The following BABAM2 variants were observed in gnomAD, a reference collection of about 807,000 sequenced individuals.
The protein encoded by BABAM2 is BRISC and BRCA1-A complex member 2.
A neutral mutation model predicts 54.7 loss-of-function variants in BABAM2; 31 were observed. The ratio of observed to expected loss-of-function variants is 0.57; its 90% CI spans 0.43 to 0.77. BABAM2 has a LOEUF of 0.77. Ranked by LOEUF, BABAM2 falls within the 30% of genes least tolerant of loss-of-function variation. The pLI is 0.00. For missense variants in BABAM2, 364 were observed against 455.8 expected (o/e 0.80, Z 1.83); for synonymous variants, 167 against 162.9 (o/e 1.03, Z -0.19).
chr2:28,031,996 A>AG lies in BABAM2; in HGVS notation c.495+6576_495+6577insG, dbSNP rs549896518. Among the ~76,000 whole-genome samples, 47 of 152,362 alleles carry AG rather than the reference A, an allele frequency of 3.1e-4. 2 individuals are homozygous for AG. In the East Asian group the frequency reaches 8.9e-3, roughly 29 times the overall value. On this transcript the variant is annotated intron_variant, in intron 5 of 11. Coordinates refer to ENST00000379624, the MANE Select transcript of BABAM2 (RefSeq NM_199191.3). The stretch of plus-strand genomic sequence containing the variant: ...AATAAATGGATATTTTTTAATTAAA[A>AG]CATGAAAATAGTATATTCTCTAAAT...
At chr2:28,301,785 G>A (rs776527089) in intron 11 of BABAM2, among the ~76,000 whole-genome samples, 2 of 152,068 alleles carry the variant, frequency 1.3e-5, no homozygotes, top group Non-Finnish European at 2.9e-5. Context: ...TTTTCTTTTA[G>A]TTCTTCACAT....
At chr2:28,302,159 G>A (rs890798831) in intron 11 of BABAM2, among the ~76,000 whole-genome samples, 1 of 152,128 alleles carries the variant, frequency 6.6e-6, no homozygotes, top group African/African-American at 2.4e-5. Flanking sequence ...CATCACGTCT[G>A]TTCTCCCAGC....
chr2:28,016,025 C>G, intron 4 of BABAM2: 1 of 632,382 alleles, frequency 1.6e-6, no homozygotes, highest in South Asian at 1.6e-5. Context: ...TTTAAATTAT[C>G]CTTACTGTCT....
At chr2:28,105,557 C>T (rs921611707) in intron 6 of BABAM2, among the ~76,000 whole-genome samples, 3 of 152,156 alleles carry the variant, frequency 2.0e-5, no homozygotes, top group Non-Finnish European at 2.9e-5. Context: ...AGATCCTGAA[C>T]ATTTTGCTTA....
intron 2 of BABAM2, among the ~76,000 whole-genome samples, chr2:27,904,291 A>G (rs1221438910): frequency 6.6e-6 from 1 of 152,238 alleles, no homozygotes; most frequent in Non-Finnish European, 1.5e-5. Context: ...AAGCAAAACC[A>G]TAGATAAGGG....
chr2:28,289,840 A>C (rs1346277741), intron 10 of BABAM2, among the ~76,000 whole-genome samples: 2 of 151,956 alleles, frequency 1.3e-5, no homozygotes, highest in Non-Finnish European at 2.9e-5. Context: ...GCAGAAAGGA[A>C]AGGAGAAAGG....
At chr2:28,126,119 G>GT (rs201520515) in intron 6 of BABAM2, among the ~76,000 whole-genome samples, 2,951 of 151,970 alleles carry the variant, frequency 0.019, 55 homozygotes, top group South Asian at 0.05. Context: ...CCTAAATTTT[G>GT]TAATCTAAAA....
intron 7 of BABAM2, among the ~76,000 whole-genome samples, chr2:28,181,672 C>T (rs547739170): frequency 6.6e-6 from 1 of 151,842 alleles, no homozygotes; most frequent in South Asian, 2.1e-4. Flanking sequence ...ACATATACCC[C>T]ATTAAAAAAG....
intron 7 of BABAM2, among the ~76,000 whole-genome samples, chr2:28,164,905 A>G (rs1206833051): frequency 6.6e-6 from 1 of 152,198 alleles, no homozygotes; most frequent in African/African-American, 2.4e-5. Context: ...TTATTCAGCA[A>G]TCATTTATTA....
intron 10 of BABAM2, among the ~76,000 whole-genome samples, chr2:28,256,183 G>T (rs1189999567): frequency 6.6e-6 from 1 of 152,122 alleles, no homozygotes; most frequent in Admixed American, 6.6e-5. Context: ...CAGATACATA[G>T]CTTCTTTGTT....
chr2:27,956,069 A>T (rs536150235), intron 3 of BABAM2, among the ~76,000 whole-genome samples: 78 of 152,198 alleles, frequency 5.1e-4, no homozygotes, highest in African/African-American at 1.8e-3. Context: ...AACCTCATGC[A>T]TGAATTATTT....
chr2:28,190,774 C>G (rs1676823896), intron 7 of BABAM2, among the ~76,000 whole-genome samples: 1 of 152,244 alleles, frequency 6.6e-6, no homozygotes, highest in Middle Eastern at 3.4e-3. Context: ...CTTACTAATA[C>G]CATTAATACC....
intron 5 of BABAM2, among the ~76,000 whole-genome samples, chr2:28,027,687 G>A (rs377404520): frequency 2.0e-5 from 3 of 152,050 alleles, no homozygotes; most frequent in Admixed American, 6.5e-5. Context: ...GACATACTAC[G>A]TTTTGTTTAT....
chr2:27,923,099 C>T (rs542761899), intron 2 of BABAM2, among the ~76,000 whole-genome samples: 95 of 152,224 alleles, frequency 6.2e-4, no homozygotes, highest in African/African-American at 2.2e-3. Context: ...TCCCAAATTC[C>T]GACCCAAAGA....
intron 7 of BABAM2, among the ~76,000 whole-genome samples, chr2:28,224,538 G>C (rs955861030): frequency 7.9e-5 from 12 of 152,230 alleles, no homozygotes; most frequent in African/African-American, 2.9e-4. Context: ...TCGTACTTCA[G>C]TTTGCGGTAC....
upstream of BABAM2, chr2:27,889,934 G>A (rs1376193614): frequency 3.6e-6 from 1 of 278,796 alleles, no homozygotes; most frequent in Non-Finnish European, 6.7e-6. Flanking sequence ...GCTCGTTTGG[G>A]GAAAGGCTCA....
At chr2:28,318,648 A>G (rs887818043) in intron 11 of BABAM2, among the ~76,000 whole-genome samples, 1 of 152,200 alleles carries the variant, frequency 6.6e-6, no homozygotes, top group Non-Finnish European at 1.5e-5. Context: ...GAACTTTACA[A>G]AGGGCGGGGC....
chr2:28,170,155 C>CAAAAAA, intron 7 of BABAM2, among the ~76,000 whole-genome samples: 1 of 151,572 alleles, frequency 6.6e-6, no homozygotes. Context: ...TAATTACAAA[C>CAAAAAA]AAAAGATAAG....
chr2:28,058,355 G>A (rs1242632205), intron 6 of BABAM2, among the ~76,000 whole-genome samples: 1 of 151,920 alleles, frequency 6.6e-6, no homozygotes, highest in African/African-American at 2.4e-5. Context: ...GAGCAGGGTA[G>A]TATTACAATT....
Sources: gnomAD v4.1 joint callset for allele counts (sites outside exome capture counted in the v4.1 genomes callset) on GRCh38, gnomAD v4.1.1 for gene constraint, MANE v1.5 for transcripts, NCBI Gene and HGNC (gene_info 2026-07-23, HGNC 2026-07-21) for gene names.